The following TIMM44 variants were observed in gnomAD, a reference collection of about 807,000 sequenced individuals.
TIMM44 encodes the protein mitochondrial import inner membrane translocase subunit TIM44.
A neutral mutation model predicts 63.8 loss-of-function variants in TIMM44; 37 were observed. The observed-to-expected ratio is 0.58, with a 90% CI of 0.45 to 0.76. The LOEUF (loss-of-function observed/expected upper bound fraction) is 0.76, where lower values mean the gene tolerates loss of function less well. TIMM44 is among the 30% of genes least tolerant of loss of function. The probability of loss-of-function intolerance (pLI) is 0.00; values close to 1 mark genes in which losing one functional copy is unlikely to be tolerated. For missense variants in TIMM44, 573 were observed against 603.8 expected (o/e 0.95, Z 0.54); for synonymous variants, 239 against 245.1 (o/e 0.98, Z 0.23).
intron 10 of TIMM44, among the ~76,000 whole-genome samples, chr19:7,930,377 C>G (rs1017486326): frequency 2.7e-5 from 4 of 148,960 alleles, no homozygotes; most frequent in African/African-American, 1.0e-4. Flanking sequence ...GGCGCGACCT[C>G]AGCTCACTGT....
intron 10 of TIMM44, 127 bp downstream of exon 10, chr19:7,931,011 T>C (rs1415187668): frequency 2.5e-6 from 2 of 787,896 alleles, no homozygotes; most frequent in Non-Finnish European, 4.2e-6. Context: ...GACGTGAGGA[T>C]TCCCCCACCG....
At position 7,938,121 on chromosome 19, in the gene TIMM44, T is replaced by C. The variant is rs1984207906; in HGVS notation, c.218A>G (p.Lys73Arg). Residue 73 changes from lysine (K) to arginine (R), a missense_variant, in exon 3 of 13, where the codon AAA becomes AGA. By Grantham distance (26) the Lys-to-Arg change is conservative (BLOSUM62 2). Transcript: ENST00000270538. ...LLDNVKQELA[K>R]NKEMKESIKK... ...TATACTTTCTTTCATTTCTTTGTTT[T>C]TGGCTAATTCTTGTTTGACATTATC... is the stretch of plus-strand genomic sequence containing the variant. 1 of 1,613,998 alleles carries C rather than the reference T, an allele frequency of 6.2e-7. No homozygotes were observed. Among genetic ancestry groups the C allele is most frequent in the African/African-American group, 1.3e-5 (1 of 74,910 alleles).
chr19:7,930,523 T>C (rs901655664), intron 10 of TIMM44, among the ~76,000 whole-genome samples: 1 of 151,962 alleles, frequency 6.6e-6, no homozygotes, highest in Admixed American at 6.6e-5. Context: ...CCCAGGCTGG[T>C]CTCGAACTCT....
chr19:7,931,295 A>T (rs1429616396), intron 9 of TIMM44, 107 bp from the exon 10 acceptor site: 1 of 1,060,198 alleles, frequency 9.4e-7, no homozygotes, highest in Non-Finnish European at 1.5e-6. Flanking sequence ...GTTTCCTCAG[A>T]CACCCCCGGC....
In TIMM44 at chr19:7,931,118, A is replaced by G. The variant is rs1428704098; in HGVS notation, c.1038+20T>C. 3.7e-6 allele frequency: 6 copies of G among 1,608,120 alleles called. No homozygotes were observed. The African/African-American group carries it at 6.7e-5, about 18-fold the overall frequency. ...TTTAGGCCTTAAAAAAAAAAAAAGA[A>G]AAAGAAAGGAAGTACTCACAGCTTC... On this transcript the variant is annotated intron_variant, in intron 10 of 12. Coordinates refer to ENST00000270538, the MANE Select transcript of TIMM44 (RefSeq NM_006351.4).
At chr19:7,937,215 G>C (rs1984180846) in intron 3 of TIMM44, among the ~76,000 whole-genome samples, 1 of 152,160 alleles carries the variant, frequency 6.6e-6, no homozygotes, top group South Asian at 2.1e-4. Context: ...GTTGCAGTGA[G>C]CCAAGGTCAC....
intron 1 of TIMM44, 70 bp from the exon 2 acceptor site, chr19:7,941,267 A>C: frequency 8.1e-7 from 1 of 1,232,468 alleles, no homozygotes; most frequent in Non-Finnish European, 1.2e-6. Context: ...CAGACCACAC[A>C]CAAAACAGCA....
chr19:7,943,552 C>T lies in TIMM44; in HGVS notation c.45+55G>A. On this transcript the variant is annotated intron_variant, in intron 1 of 12. Coordinates refer to ENST00000270538, the MANE Select transcript of TIMM44 (RefSeq NM_006351.4). The surrounding 1 kb of genome is among the most constrained non-coding windows in gnomAD (Gnocchi z 4.3). ...GGGTCTGAGAAGAAAGCCTTGGTGG[C>T]CGAAGGCCCAGAAGACCCCTAAGCT... The T allele has an allele frequency of 6.5e-7, 1 of 1,549,272 alleles. No homozygotes were observed. Among genetic ancestry groups the T allele is most frequent in the Non-Finnish European group, 8.7e-7 (1 of 1,151,544 alleles).
chr19:7,928,174 G>C lies in TIMM44; in HGVS notation c.1039-8C>G. On this transcript the variant is annotated splice_region_variant and splice_polypyrimidine_tract_variant and intron_variant, in intron 10 of 12. Transcript: ENST00000270538. Reference sequence around the variant, plus strand: ...GGCCAGCTGGCTGTAAGTCTGCAATGAGAGGCCGACACGCCTGCGTGATGC... The same window carrying C: ...GGCCAGCTGGCTGTAAGTCTGCAATCAGAGGCCGACACGCCTGCGTGATGC... The C allele has an allele frequency of 6.2e-7, 1 of 1,612,428 alleles. No homozygotes were observed. Among genetic ancestry groups the C allele is most frequent in the Non-Finnish European group, 8.5e-7 (1 of 1,179,136 alleles).
chr19:7,930,048 C>T (rs1983935964), intron 10 of TIMM44, among the ~76,000 whole-genome samples: 1 of 151,914 alleles, frequency 6.6e-6, no homozygotes, highest in Non-Finnish European at 1.5e-5. Flanking sequence ...AGGGTTTCAC[C>T]ATGTTGGCCA....
At chr19:7,932,429 G>A (rs1599647715) in intron 9 of TIMM44, 198 bp downstream of exon 9, 4 of 673,974 alleles carry the variant, frequency 5.9e-6, no homozygotes, top group South Asian at 1.9e-5. Context: ...CGGAGGTGCC[G>A]GTAAGGCCCA....
chr19:7,935,286 C>T (rs983288720), intron 3 of TIMM44, 141 bp from the exon 4 acceptor site: 3 of 754,352 alleles, frequency 4.0e-6, no homozygotes, highest in African/African-American at 3.6e-5. Flanking sequence ...CTGCCCCAGC[C>T]TCCCGAGTAG....
At position 7,943,645 on chromosome 19, in the gene TIMM44, C is replaced by G. The variant is rs1185302702; in HGVS notation, c.7G>C (p.Ala3Pro). Residue 3 changes from alanine (A) to proline (P), a missense_variant, in exon 1 of 13, where the codon GCG becomes CCG. Ala to Pro is a conservative substitution (Grantham distance 27, BLOSUM62 -1). Transcript: ENST00000270538. This position sits in a 1 kb window ranked among gnomAD's most constrained non-coding sequence, Gnocchi z 4.3. ...CACCAGCCACTCCGCAGGGCCGCCG[C>G]CGCCATGTTGGAGAATCGTGTGACC... MAAAALRSGWCRC... is the reference protein window; with the variant it reads MAPAALRSGWCRC... 2 of 1,566,732 alleles carry G rather than the reference C, an allele frequency of 1.3e-6. No homozygotes were observed. The highest frequency in any genetic ancestry group is 1.7e-6 in the Non-Finnish European group (2 of 1,163,152).
intron 10 of TIMM44, among the ~76,000 whole-genome samples, chr19:7,930,345 G>A (rs1226814609): frequency 8.5e-6 from 1 of 117,932 alleles, no homozygotes; most frequent in Non-Finnish European, 1.6e-5. Flanking sequence ...ATCTTGCTCT[G>A]TTGCCCAGGC....
intron 1 of TIMM44, among the ~76,000 whole-genome samples, chr19:7,942,206 G>A (rs548821140): frequency 6.6e-6 from 1 of 152,130 alleles, no homozygotes; most frequent in Non-Finnish European, 1.5e-5. Flanking sequence ...AATTAGCCGG[G>A]CGTGGTGGCA....
intron 9 of TIMM44, 130 bp downstream of exon 9, chr19:7,932,497 A>G: frequency 7.4e-7 from 1 of 1,359,862 alleles, no homozygotes. Context: ...GCCCGTGTGC[A>G]ACCAGCCTCC....
intron 2 of TIMM44, among the ~76,000 whole-genome samples, chr19:7,939,535 C>T (rs1984245626): frequency 6.6e-6 from 1 of 151,466 alleles, no homozygotes; most frequent in Non-Finnish European, 1.5e-5. Context: ...ATCACTTGAA[C>T]CCAGGAGCCG....
In TIMM44 at chr19:7,940,971, C is replaced by T. The variant is rs995897430; in HGVS notation, c.141+131G>A. ...ACTGGGATCTGTCATTCTGAAAGCC[C>T]CGGACACAGAAGGCCCACCACCGAG... is the stretch of plus-strand genomic sequence containing the variant. On this transcript the variant is annotated intron_variant, in intron 2 of 12. Transcript: ENST00000270538. 2.6e-5 allele frequency: 19 copies of T among 731,930 alleles called. No homozygotes were observed. The African/African-American group carries it at 3.4e-4, about 13-fold the overall frequency. The allele number at this position is 731,930 out of a possible 1,614,324, so 45.3% of individuals were successfully genotyped here.
chr19:7,938,416 G>GA (rs1005842203), intron 2 of TIMM44, among the ~76,000 whole-genome samples: 19 of 151,000 alleles, frequency 1.3e-4, no homozygotes, highest in African/African-American at 4.1e-4. Context: ...ATTCAGTGCT[G>GA]AAAAAAAAAT....
Sources: allele counts gnomAD v4.1 joint callset (sites outside exome capture counted in the v4.1 genomes callset), GRCh38; gene constraint gnomAD v4.1.1; non-coding constraint Gnocchi (gnomAD v3.1); transcripts MANE v1.5; gene names NCBI Gene and HGNC (gene_info 2026-07-23, HGNC 2026-07-21).